The following LINGO2 variants were observed in gnomAD, a reference collection of about 807,000 sequenced individuals.
LINGO2 encodes leucine-rich repeat and immunoglobulin-like domain-containing nogo receptor-interacting protein 2.
In LINGO2, 14 loss-of-function variants were observed where a neutral mutation model predicts 30.6. The observed-to-expected ratio is 0.46, with a 90% confidence interval of 0.30 to 0.72. The LOEUF is 0.72. Among genes scored for constraint, LINGO2 ranks in the 30% least tolerant of loss-of-function variants. The pLI is 0.07. For synonymous variants in LINGO2, 317 were observed against 288.5 expected (o/e 1.10, Z -1.00); for missense variants, 729 against 751.7 (o/e 0.97, Z 0.35).
At chr9:29,122,212 G>A in the LINGO2 span, among the ~76,000 whole-genome samples, 4 of 151,856 alleles carry the variant, frequency 2.6e-5, no homozygotes, top group East Asian at 3.9e-4. Context: ...AACTAAATAC[G>A]TATGTTCAAT....
At chr9:28,486,643 A>C (rs1436423330) in intron 1 of LINGO2, among the ~76,000 whole-genome samples, 2 of 151,962 alleles carry the variant, frequency 1.3e-5, no homozygotes, top group Non-Finnish European at 2.9e-5. Context: ...GGTACAGGAG[A>C]CATCTAGTTC....
Position 28,432,905 on chromosome 9 carries a change from T to C in LINGO2, c.-279+43035A>G, listed in dbSNP as rs187585821. Among the ~76,000 whole-genome samples the C allele has an allele frequency of 5.3e-4, 80 of 152,164 alleles. 1 individual carries two copies. The East Asian group carries it at 0.014, about 27-fold the overall frequency. On this transcript the variant is annotated intron_variant, in intron 2 of 5. Coordinates refer to ENST00000379992, the Ensembl canonical transcript of LINGO2. ...TGAAGATTAATCACAATTCCACTAGTAGAAAATGAACGTTGTTAAGAAATC... is the reference window on the plus strand; with the variant it reads ...TGAAGATTAATCACAATTCCACTAGCAGAAAATGAACGTTGTTAAGAAATC...
chr9:28,660,867 C>T (rs1287514249), intron 1 of LINGO2, among the ~76,000 whole-genome samples: 1 of 152,098 alleles, frequency 6.6e-6, no homozygotes, highest in African/African-American at 2.4e-5. Flanking sequence ...TGGTCTGATG[C>T]TACCTTTTCT....
At chr9:28,682,457 T>G in the LINGO2 span, among the ~76,000 whole-genome samples, 1 of 152,188 alleles carries the variant, frequency 6.6e-6, no homozygotes, top group South Asian at 2.1e-4. Context: ...ACAGGTTATC[T>G]TTTAGACCTT....
the LINGO2 span, among the ~76,000 whole-genome samples, chr9:28,939,684 A>C: frequency 3.9e-5 from 6 of 152,166 alleles, no homozygotes; most frequent in Non-Finnish European, 7.3e-5. Context: ...CAAGGTCTTG[A>C]GAGCAGAGGT....
the LINGO2 span, among the ~76,000 whole-genome samples, chr9:28,716,844 A>T: frequency 6.6e-6 from 1 of 152,094 alleles, no homozygotes; most frequent in South Asian, 2.1e-4. Flanking sequence ...TTAGTGTATA[A>T]TTTTAAGCCA....
At chr9:29,130,404 A>G in the LINGO2 span, among the ~76,000 whole-genome samples, 1 of 152,190 alleles carries the variant, frequency 6.6e-6, no homozygotes, top group East Asian at 1.9e-4. Flanking sequence ...ATCAAATACT[A>G]TTTACATTGA....
rs987591693 is a variant in LINGO2 at position 28,559,305 on chromosome 9, A to G, written c.-364-83280T>C. On this transcript the variant is annotated intron_variant, in intron 1 of 5. Coordinates refer to ENST00000379992, the Ensembl canonical transcript of LINGO2. ...GTGTCTTCATCTGAAAATGTCTCAG[A>G]TCTTTATTCTGAAATGTCTTCAAAT... Among the ~76,000 whole-genome samples the G allele has an allele frequency of 4.6e-5, 7 of 152,084 alleles. No homozygotes were observed. In the East Asian group the frequency reaches 9.6e-4, roughly 21 times the overall value.
chr9:29,014,891 C>T, the LINGO2 span, among the ~76,000 whole-genome samples: 2 of 152,076 alleles, frequency 1.3e-5, no homozygotes. Context: ...TAATCAGAGT[C>T]AACAATCTTT....
At chr9:29,195,366 T>G in the LINGO2 span, among the ~76,000 whole-genome samples, 2 of 151,864 alleles carry the variant, frequency 1.3e-5, no homozygotes, top group African/African-American at 4.8e-5. Context: ...TGTGTGTGGG[T>G]GTGTGTGTGG....
intron 4 of LINGO2, among the ~76,000 whole-genome samples, chr9:28,127,602 C>T (rs142187331): frequency 6.6e-6 from 1 of 152,292 alleles, no homozygotes; most frequent in African/African-American, 2.4e-5. Context: ...GACAAGGAAC[C>T]TATGAATAGG....
At chr9:28,772,469 A>G in the LINGO2 span, among the ~76,000 whole-genome samples, 6 of 152,210 alleles carry the variant, frequency 3.9e-5, no homozygotes, top group African/African-American at 1.4e-4. Flanking sequence ...ACTTTTGGCT[A>G]CTTGTGAGCA....
At chr9:28,007,666 T>G (rs546357080) in intron 5 of LINGO2, among the ~76,000 whole-genome samples, 1 of 152,278 alleles carries the variant, frequency 6.6e-6, no homozygotes, top group South Asian at 2.1e-4. Flanking sequence ...TACAGATAAT[T>G]CCATCAAACT....
At chr9:28,608,975 T>C (rs1023427337) in intron 1 of LINGO2, among the ~76,000 whole-genome samples, 2 of 151,948 alleles carry the variant, frequency 1.3e-5, no homozygotes, top group East Asian at 3.9e-4. Flanking sequence ...TGATAAAACA[T>C]TTGGGGCAGA....
In LINGO2 at chr9:28,481,572, T is replaced by A. The variant is rs180769104; in HGVS notation, c.-364-5547A>T. 2.1e-3 allele frequency among the ~76,000 whole-genome samples: 313 copies of A among 152,230 alleles called. 1 individual carries two copies. The highest frequency in any genetic ancestry group is 7.0e-3 in the African/African-American group (292 of 41,562). On this transcript the variant is annotated intron_variant, in intron 1 of 5. Transcript: ENST00000379992. Reference sequence around the variant, plus strand: ...GCTAACTCCCTCTATTACTTTCAACTGGAAATGCTGTCGCCCTCCTCTGTG... The same window carrying A: ...GCTAACTCCCTCTATTACTTTCAACAGGAAATGCTGTCGCCCTCCTCTGTG...
At chr9:28,101,624 T>A (rs1826418303) in intron 4 of LINGO2, among the ~76,000 whole-genome samples, 1 of 152,102 alleles carries the variant, frequency 6.6e-6, no homozygotes, top group African/African-American at 2.4e-5. Context: ...TTCAATTAAA[T>A]CTCCTGGGTA....
At chr9:28,476,252 A>G (rs185629181) in intron 1 of LINGO2, among the ~76,000 whole-genome samples, 1 of 152,338 alleles carries the variant, frequency 6.6e-6, no homozygotes, top group Admixed American at 6.5e-5. Flanking sequence ...ATAACAATCT[A>G]TTAAAATTAA....
At chr9:28,757,914 C>T in the LINGO2 span, among the ~76,000 whole-genome samples, 52 of 152,076 alleles carry the variant, frequency 3.4e-4, no homozygotes, top group East Asian at 9.5e-3. Context: ...TACTTTTTGC[C>T]CTGGGCTATA....
chr9:28,029,567 A>T (rs1563925688), intron 4 of LINGO2, among the ~76,000 whole-genome samples: 1 of 151,956 alleles, frequency 6.6e-6, no homozygotes, highest in Non-Finnish European at 1.5e-5. Context: ...AACCACATTT[A>T]TATCCTTCTA....
Sources: gnomAD v4.1 joint callset for allele counts (sites outside exome capture counted in the v4.1 genomes callset) on GRCh38, gnomAD v4.1.1 for gene constraint, MANE v1.5 for transcripts, NCBI Gene and HGNC (gene_info 2026-07-23, HGNC 2026-07-21) for gene names.